The following COMMD10 variants were observed in gnomAD, a reference collection of about 807,000 sequenced individuals.
COMMD10 encodes the protein COMM domain-containing protein 10.
In COMMD10, 33 loss-of-function variants were observed where a neutral mutation model predicts 28.9. That is an observed-to-expected ratio of 1.14 (90% CI 0.87 to 1.53). The LOEUF (loss-of-function observed/expected upper bound fraction) is 1.53. COMMD10 is among the 40% of genes most tolerant of loss of function. COMMD10 has a pLI of 0.00. For missense variants in COMMD10, 310 were observed against 233.4 expected (o/e 1.33, Z -2.14); for synonymous variants, 110 against 81.7 (o/e 1.35, Z -1.87).
At chr5:116,168,493 T>C (rs2112577277) in intron 5 of COMMD10, among the ~76,000 whole-genome samples, 1 of 152,278 alleles carries the variant, frequency 6.6e-6, no homozygotes, top group South Asian at 2.1e-4. Context: ...CTAATAGACA[T>C]CTACAGAACT....
intron 4 of COMMD10, among the ~76,000 whole-genome samples, chr5:116,115,722 C>G (rs1751210889): frequency 6.6e-6 from 1 of 151,990 alleles, no homozygotes; most frequent in African/African-American, 2.4e-5. Context: ...TCCTGCCATA[C>G]TAAATGTAAA....
At chr5:116,256,954 C>T (rs971638473) in intron 5 of COMMD10, among the ~76,000 whole-genome samples, 1 of 151,664 alleles carries the variant, frequency 6.6e-6, no homozygotes, top group African/African-American at 2.4e-5. Context: ...ATGTACTTAA[C>T]AGTGAAAAAA....
chr5:116,262,933 T>C lies in COMMD10; in HGVS notation c.511-28584T>C, dbSNP rs140778725. Among the ~76,000 whole-genome samples, 19 of 151,960 alleles carry C rather than the reference T, an allele frequency of 1.3e-4. No homozygotes were observed. The East Asian group carries it at 3.5e-3, about 28-fold the overall frequency. Reference sequence around the variant, plus strand: ...TTTGAAAACAGTGCTTTGGAAATTATGTCTTTAGTGGCTGTAATATAAATG... The same window carrying C: ...TTTGAAAACAGTGCTTTGGAAATTACGTCTTTAGTGGCTGTAATATAAATG... On this transcript the variant is annotated intron_variant, in intron 5 of 6. Transcript: ENST00000274458.
chr5:116,177,431 C>G (rs1260315782), intron 5 of COMMD10, among the ~76,000 whole-genome samples: 1 of 151,984 alleles, frequency 6.6e-6, no homozygotes, highest in Non-Finnish European at 1.5e-5. Context: ...CCTAATTTAT[C>G]TTCCTGCCTT....
intron 5 of COMMD10, among the ~76,000 whole-genome samples, chr5:116,161,972 G>C (rs1752932790): frequency 6.6e-6 from 1 of 152,116 alleles, no homozygotes. Context: ...TGAGAAACCA[G>C]AAGTTTTTCT....
chr5:116,203,951 G>T (rs569534701), intron 5 of COMMD10, among the ~76,000 whole-genome samples: 2 of 152,212 alleles, frequency 1.3e-5, no homozygotes, highest in African/African-American at 4.8e-5. Context: ...CTGGCAAATT[G>T]GATAAAGAGT....
intron 5 of COMMD10, among the ~76,000 whole-genome samples, chr5:116,281,890 C>G (rs1468807395): frequency 1.3e-5 from 2 of 151,876 alleles, no homozygotes; most frequent in Non-Finnish European, 1.5e-5. Flanking sequence ...CAGGCTACCT[C>G]TGTTTTCATA....
rs114198377 is a variant in COMMD10 at position 116,283,791 on chromosome 5, T to A, written c.511-7726T>A. ...AAAATCCTTCCAGAAATAATTTATA[T>A]TACATATCCAGTTATTATATTCCTT... On this transcript the variant is annotated intron_variant, in intron 5 of 6. Transcript: ENST00000274458. Among the ~76,000 whole-genome samples the A allele has an allele frequency of 8.6e-3, 1,312 of 151,946 alleles. 12 individuals carry two copies. The highest frequency in any genetic ancestry group is 0.016 in the Admixed American group (241 of 15,270).
chr5:116,190,753 A>T (rs1255197895), intron 5 of COMMD10, among the ~76,000 whole-genome samples: 1 of 152,218 alleles, frequency 6.6e-6, no homozygotes, highest in Non-Finnish European at 1.5e-5. Flanking sequence ...TTTAAGCTGA[A>T]ATACTAATCC....
In COMMD10 at chr5:116,112,800, T is replaced by A. The variant is rs528426242; in HGVS notation, c.399+20100T>A. Among the ~76,000 whole-genome samples, 23 of 152,328 alleles carry A rather than the reference T, an allele frequency of 1.5e-4. 1 individual carries two copies. The South Asian group carries it at 4.8e-3, about 32-fold the overall frequency. On this transcript the variant is annotated intron_variant, in intron 4 of 6. Coordinates refer to ENST00000274458, the MANE Select transcript of COMMD10 (RefSeq NM_016144.4). ...ATGAGATTTTGTTCCTGTCATATTG[T>A]TTTTTTCATCATTTTGTAAACTTTT...
chr5:116,114,784 C>T (rs1038057837), intron 4 of COMMD10, among the ~76,000 whole-genome samples: 4 of 152,170 alleles, frequency 2.6e-5, no homozygotes, highest in Non-Finnish European at 5.9e-5. Context: ...GGTGGGGCTT[C>T]CTCCCTTATC....
At chr5:116,223,230 G>A (rs1749310056) in intron 5 of COMMD10, among the ~76,000 whole-genome samples, 1 of 151,762 alleles carries the variant, frequency 6.6e-6, no homozygotes, top group Non-Finnish European at 1.5e-5. Flanking sequence ...AGGATAAAAT[G>A]TAAGGAAATC....
rs1227980024 is a variant in COMMD10, at chr5:116,214,112, C to CT, written c.511-77403dup. ...TATATTTCATTCTCTCTGAATTGGA[C>CT]TTGAGAGGCAAACTTTGTCTTTAAA... On this transcript the variant is annotated intron_variant, in intron 5 of 6. Coordinates refer to ENST00000274458, the MANE Select transcript of COMMD10 (RefSeq NM_016144.4). 3.9e-5 allele frequency among the ~76,000 whole-genome samples: 6 copies of CT among 152,126 alleles called. No homozygotes were observed. In the East Asian group the frequency reaches 1.2e-3, roughly 29 times the overall value.
intron 5 of COMMD10, among the ~76,000 whole-genome samples, chr5:116,180,067 A>G (rs781580209): frequency 6.6e-6 from 1 of 152,138 alleles, no homozygotes; most frequent in Non-Finnish European, 1.5e-5. Context: ...AGCTTACTGT[A>G]AAATATAGGA....
At chr5:116,133,675 A>G (rs1157441070) in intron 4 of COMMD10, among the ~76,000 whole-genome samples, 1 of 152,242 alleles carries the variant, frequency 6.6e-6, no homozygotes, top group Non-Finnish European at 1.5e-5. Flanking sequence ...GCTTTTCACC[A>G]ATTTATGCAA....
At chr5:116,090,065 T>G (rs925725816) in intron 2 of COMMD10, among the ~76,000 whole-genome samples, 1 of 152,204 alleles carries the variant, frequency 6.6e-6, no homozygotes, top group African/African-American at 2.4e-5. Context: ...TTTATTTTAT[T>G]AAGTTTGACC....
In COMMD10 at chr5:116,248,188, C is replaced by A. The variant is rs529450097; in HGVS notation, c.511-43329C>A. On this transcript the variant is annotated intron_variant, in intron 5 of 6. Transcript: ENST00000274458. Reference sequence around the variant, plus strand: ...TTTAAGCTCTATACCAGCATGTGCTCACATCAGAATATTTATTAAACAGTC... The same window carrying A: ...TTTAAGCTCTATACCAGCATGTGCTAACATCAGAATATTTATTAAACAGTC... 4.6e-5 allele frequency among the ~76,000 whole-genome samples: 7 copies of A among 151,228 alleles called. No individual in the cohort carries two copies. The East Asian group carries it at 1.2e-3, about 25-fold the overall frequency.
In COMMD10 at chr5:116,204,703, TAATTA is replaced by T. The variant is rs1411920845; in HGVS notation, c.510+70530_510+70534del. On this transcript the variant is annotated intron_variant, in intron 5 of 6. Transcript: ENST00000274458. ...TATGCTGAATACAAATTCAGCACCA[TAATTA>T]AATTGCAAAGTTTAACATTATACTC... 4.6e-5 allele frequency among the ~76,000 whole-genome samples: 7 copies of T among 152,178 alleles called. No individual in the cohort carries two copies. In the South Asian group the frequency reaches 8.3e-4, roughly 18 times the overall value.
chr5:116,132,727 A>G (rs924969846), intron 4 of COMMD10, among the ~76,000 whole-genome samples: 3 of 152,108 alleles, frequency 2.0e-5, no homozygotes, highest in Admixed American at 6.5e-5. Context: ...TGGAGAGTCT[A>G]TTGCATGGGA....
Sources: allele counts gnomAD v4.1 joint callset (sites outside exome capture counted in the v4.1 genomes callset), GRCh38; gene constraint gnomAD v4.1.1; transcripts MANE v1.5; gene names NCBI Gene and HGNC (gene_info 2026-07-23, HGNC 2026-07-21).